The following BPTF variants were observed in gnomAD, a reference collection of about 807,000 sequenced individuals.
BPTF encodes the protein bromodomain PHD finger transcription factor.
BPTF carries 18 observed loss-of-function variants against 292.5 expected under a neutral mutation model. The observed-to-expected ratio is 0.06, with a 90% CI of 0.04 to 0.09. The LOEUF is 0.09. Among genes scored for constraint, BPTF ranks in the 10% least tolerant of loss-of-function variants. BPTF has a pLI of 1.00. For missense variants in BPTF, 2,726 were observed against 3,498.7 expected (o/e 0.78, Z 5.57); for synonymous variants, 1,225 against 1,251.9 (o/e 0.98, Z 0.45).
At chr17:67,892,484 C>T (rs539002621) in intron 5 of BPTF, among the ~76,000 whole-genome samples, 1 of 152,328 alleles carries the variant, frequency 6.6e-6, no homozygotes, top group African/African-American at 2.4e-5. Context: ...GATAGGACAG[C>T]ATGGCATCCC....
intron 27 of BPTF, chr17:67,976,212 C>G (rs1309552202): frequency 3.9e-6 from 1 of 253,512 alleles, no homozygotes; most frequent in African/African-American, 2.3e-5. Flanking sequence ...GTGGCTCACG[C>G]CTGTAATCCC....
chr17:67,920,280 A>G (rs2063343953), intron 13 of BPTF, 137 bp downstream of exon 13: 2 of 936,694 alleles, frequency 2.1e-6, no homozygotes, highest in East Asian at 5.3e-5. Context: ...TTTGAAAATG[A>G]TATTAAAGTA....
intron 17 of BPTF, 75 bp from the exon 18 acceptor site, chr17:67,931,836 A>T: frequency 9.5e-7 from 1 of 1,049,760 alleles, no homozygotes; most frequent in Admixed American, 2.6e-5. Flanking sequence ...ATGTTTAAAG[A>T]TCTTGTGTTC....
chr17:67,951,069 A>G (rs1555678343), intron 23 of BPTF: 1 of 152,110 alleles, frequency 6.6e-6, no homozygotes, highest in Non-Finnish European at 1.5e-5. Context: ...TTAGTCTCCC[A>G]AAGTCCTGGG....
chr17:67,930,547 G>C (rs932017747), intron 17 of BPTF, among the ~76,000 whole-genome samples: 2 of 152,046 alleles, frequency 1.3e-5, no homozygotes, highest in African/African-American at 2.4e-5. Context: ...TTAAAGTTTT[G>C]TAGACTAGCA....
At chr17:67,929,606 CAG>C in intron 17 of BPTF, 119 bp downstream of exon 17, 8 of 1,214,710 alleles carry the variant, frequency 6.6e-6, no homozygotes, top group Non-Finnish European at 9.0e-6. Context: ...GAATCTGTGA[CAG>C]AGTACTGATT....
chr17:67,927,122 ATAG>A (rs1271660502), intron 15 of BPTF, among the ~76,000 whole-genome samples: 38 of 152,262 alleles, frequency 2.5e-4, no homozygotes, highest in Non-Finnish European at 4.6e-4. Flanking sequence ...AAGGCAGGAG[ATAG>A]TGGTGCAGGA....
In BPTF at chr17:67,843,754, C is replaced by CTTTTTTTTTTTTTTTTTTTT. The variant is rs56335701; in HGVS notation, c.614-10177_614-10158dup. Among the ~76,000 whole-genome samples the CTTTTTTTTTTTTTTTTTTTT allele has an allele frequency of 3.7e-4, 23 of 62,226 alleles. 7 individuals carry two copies. The highest frequency in any genetic ancestry group is 1.9e-3 in the African/African-American group (23 of 11,924). The allele number at this position is 62,226 out of a possible 152,430, so 40.8% of individuals were successfully genotyped here. A position where few individuals can be genotyped will look rare whatever the true frequency, so the allele number is the denominator to read the frequency against. On this transcript the variant is annotated intron_variant, in intron 1 of 27. Coordinates refer to ENST00000306378, the MANE Select transcript of BPTF (RefSeq NM_182641.4). ...TTTTTAAATTGTCTGGAGCAGTTGT[C>CTTTTTTTTTTTTTTTTTTTT]TTTTTTTTTTTTTTTTTTTTTTTTT...
chr17:67,906,653 CTCTCT>C (rs759276063), intron 9 of BPTF, among the ~76,000 whole-genome samples: 4 of 152,154 alleles, frequency 2.6e-5, no homozygotes, highest in Non-Finnish European at 5.9e-5. Context: ...TTTCTTTGCA[CTCTCT>C]TCTCTTTCTT....
intron 4 of BPTF, among the ~76,000 whole-genome samples, chr17:67,880,504 C>CTGTAA (rs1319771405): frequency 6.6e-6 from 1 of 152,176 alleles, no homozygotes; most frequent in Non-Finnish European, 1.5e-5. Context: ...CAACCACAAA[C>CTGTAA]TGTAATAGGT....
chr17:67,848,546 C>T (rs942488468), intron 1 of BPTF, among the ~76,000 whole-genome samples: 7 of 152,120 alleles, frequency 4.6e-5, no homozygotes, highest in African/African-American at 1.7e-4. Flanking sequence ...AGAATTTCAG[C>T]AAAGTAAGGC....
intron 9 of BPTF, among the ~76,000 whole-genome samples, chr17:67,906,288 C>A (rs887298524): frequency 6.6e-6 from 1 of 152,078 alleles, no homozygotes. Flanking sequence ...ACTATGTTGG[C>A]CAGGGTGGTC....
Position 67,923,471 on chromosome 17 carries a change from CTTTTTTTTTTTTTTTTT to C in BPTF, c.5708+494_5708+510del, listed in dbSNP as rs58462646. ...GTTTAGTAAGGTCCTCTCTCTCTGT[CTTTTTTTTTTTTTTTTT>C]TTTTTTTTTTTTGAAGCAGAGTCTC... On this transcript the variant is annotated intron_variant, in intron 14 of 27. Transcript: ENST00000306378. 4.4e-5 allele frequency among the ~76,000 whole-genome samples: 3 copies of C among 67,494 alleles called. 1 individual carries two copies. The highest frequency in any genetic ancestry group is 2.1e-4 in the Admixed American group (1 of 4,836). The allele number at this position is 67,494 out of a possible 152,430, so 44.3% of individuals were successfully genotyped here.
intron 13 of BPTF, 75 bp from the exon 14 acceptor site, chr17:67,922,761 TTTTC>T: frequency 6.8e-7 from 1 of 1,481,448 alleles, no homozygotes; most frequent in Non-Finnish European, 9.0e-7. Flanking sequence ...GCCAACCACT[TTTTC>T]ATGATAGAAG....
In BPTF at chr17:67,975,956, C is replaced by A; in HGVS notation, c.8724C>A (p.Ser2908Arg). ...AGAAATTGAAAGGCTTCAAAGCTAG[C>A]AGGTGAGCAGATGGGTTCGGTATTC... ...FVQKLKGFKASRSHNNKLQST... is the reference protein window; with the variant it reads ...FVQKLKGFKARRSHNNKLQST... The change falls in exon 27 of 28, where the codon AGC becomes AGA. Residue 2908 changes from serine (S) to arginine (R), a missense_variant and splice_region_variant. By Grantham distance (110) the Ser-to-Arg change is moderately radical. This residue lies in a region of BPTF where 21 missense variants were observed against 16.1 expected (regional missense o/e 1.30). Coordinates refer to ENST00000306378, the MANE Select transcript of BPTF (RefSeq NM_182641.4). 1 of 1,609,384 alleles carries A rather than the reference C, an allele frequency of 6.2e-7. No homozygotes were observed. Among genetic ancestry groups the A allele is most frequent in the Non-Finnish European group, 8.5e-7 (1 of 1,178,026 alleles).
chr17:67,968,919 T>G (rs1341881612), intron 26 of BPTF, among the ~76,000 whole-genome samples: 5 of 150,926 alleles, frequency 3.3e-5, no homozygotes, highest in African/African-American at 1.2e-4. Context: ...AGGCAGAGGT[T>G]GCATTGAGCC....
intron 1 of BPTF, among the ~76,000 whole-genome samples, chr17:67,843,176 A>G (rs1567879473): frequency 5.4e-5 from 7 of 130,322 alleles, no homozygotes; most frequent in Admixed American, 1.5e-4. Context: ...ATAGATACAT[A>G]TAGATATCTA....
At chr17:67,901,149 G>C (rs1370574432) in intron 7 of BPTF, among the ~76,000 whole-genome samples, 1 of 152,090 alleles carries the variant, frequency 6.6e-6, no homozygotes, top group Non-Finnish European at 1.5e-5. Context: ...TACAGAAGAA[G>C]CAAATCAGTA....
intron 24 of BPTF, among the ~76,000 whole-genome samples, chr17:67,962,607 CGTTA>C (rs1215844121): frequency 2.6e-5 from 4 of 152,280 alleles, no homozygotes; most frequent in East Asian, 1.9e-4. Flanking sequence ...GTTCCCTGCC[CGTTA>C]GTTAGCCAGG....
Sources: allele counts gnomAD v4.1 joint callset (sites outside exome capture counted in the v4.1 genomes callset), GRCh38; gene constraint gnomAD v4.1.1; regional missense constraint gnomAD v4.1.1; transcripts MANE v1.5; gene names NCBI Gene and HGNC (gene_info 2026-07-23, HGNC 2026-07-21).